Variants in DPP10 observed in about 807,000 individuals in gnomAD.
The protein encoded by DPP10 is inactive dipeptidyl peptidase 10.
DPP10 carries 33 observed loss-of-function variants against 120.9 expected under a neutral mutation model. The observed-to-expected ratio is 0.27, with a 90% CI of 0.21 to 0.37. The LOEUF (loss-of-function observed/expected upper bound fraction) is 0.37, where lower values mean the gene tolerates loss of function less well. Ranked by LOEUF, DPP10 falls within the 10% of genes least tolerant of loss-of-function variation. The pLI, the probability that DPP10 is intolerant of heterozygous loss-of-function variation, is 1.00. For synonymous variants in DPP10, 337 were observed against 326.1 expected (o/e 1.03, Z -0.36); for missense variants, 816 against 942.8 (o/e 0.87, Z 1.76).
At chr2:114,517,302 C>T (rs995672265) in intron 1 of DPP10, among the ~76,000 whole-genome samples, 9 of 152,120 alleles carry the variant, frequency 5.9e-5, no homozygotes, top group South Asian at 4.1e-4. Flanking sequence ...GGGAGGATCA[C>T]CTGATGTCAG....
intron 5 of DPP10, among the ~76,000 whole-genome samples, chr2:115,654,194 T>C (rs1283274863): frequency 1.3e-5 from 2 of 151,818 alleles, no homozygotes; most frequent in Non-Finnish European, 2.9e-5. Context: ...ACAAGCAGTT[T>C]ATAATCTTTT....
chr2:114,688,605 A>G (rs1352009925), intron 1 of DPP10, among the ~76,000 whole-genome samples: 6 of 152,048 alleles, frequency 3.9e-5, no homozygotes, highest in Admixed American at 2.6e-4. Flanking sequence ...ACTGAAAGTT[A>G]GAACTACAAA....
At chr2:115,789,742 G>A (rs1254806583) in intron 17 of DPP10, among the ~76,000 whole-genome samples, 2 of 152,124 alleles carry the variant, frequency 1.3e-5, no homozygotes, top group African/African-American at 4.8e-5. Flanking sequence ...ATAAACTATT[G>A]AAAATAAGTG....
At chr2:115,840,575 C>T (rs150909880) in intron 24 of DPP10, among the ~76,000 whole-genome samples, 175 bp from the exon 25 acceptor site, 2,214 of 152,010 alleles carry the variant, frequency 0.015, 30 homozygotes, top group Middle Eastern at 0.034. Flanking sequence ...CGGCCCACCT[C>T]GGCCTCCCAA....
At chr2:115,791,051 G>A in intron 17 of DPP10, 30 bp from the exon 18 acceptor site, 1 of 1,526,172 alleles carries the variant, frequency 6.6e-7, no homozygotes. Flanking sequence ...ATAGGGGTTA[G>A]CTATTTACAC....
At chr2:115,323,946 A>G (rs1318603803) in intron 2 of DPP10, among the ~76,000 whole-genome samples, 7 of 152,136 alleles carry the variant, frequency 4.6e-5, no homozygotes, top group African/African-American at 1.7e-4. Context: ...AGGATAGTAA[A>G]TGAGCCTTGG....
intron 1 of DPP10, among the ~76,000 whole-genome samples, chr2:115,171,154 A>G (rs2053292351): frequency 6.6e-6 from 1 of 152,046 alleles, no homozygotes; most frequent in Non-Finnish European, 1.5e-5. Flanking sequence ...TGAGGTCAGG[A>G]GTTTGAGACC....
chr2:114,625,590 C>T (rs990215917), intron 1 of DPP10, among the ~76,000 whole-genome samples: 3 of 151,874 alleles, frequency 2.0e-5, no homozygotes, highest in Admixed American at 1.3e-4. Context: ...GATAATTACC[C>T]TTTATTTATA....
intron 1 of DPP10, among the ~76,000 whole-genome samples, chr2:114,837,008 G>A (rs1687792597): frequency 6.6e-6 from 1 of 152,008 alleles, no homozygotes; most frequent in Admixed American, 6.6e-5. Flanking sequence ...TTTTTTCAAG[G>A]TGCCCAGATT....
intron 1 of DPP10, among the ~76,000 whole-genome samples, chr2:114,869,472 C>T (rs1353992193): frequency 6.6e-6 from 1 of 152,014 alleles, no homozygotes; most frequent in Non-Finnish European, 1.5e-5. Context: ...GTGAAACAGT[C>T]CCCCCAGGTT....
At chr2:115,289,510 A>AAAAGG (rs2060565977) in intron 1 of DPP10, among the ~76,000 whole-genome samples, 2 of 145,812 alleles carry the variant, frequency 1.4e-5, no homozygotes, top group African/African-American at 5.1e-5. Flanking sequence ...AAAAAGGAAG[A>AAAAGG]AAAGAAAAGA....
intron 4 of DPP10, among the ~76,000 whole-genome samples, chr2:115,518,253 T>A (rs2077607769): frequency 6.6e-6 from 1 of 152,176 alleles, no homozygotes; most frequent in African/African-American, 2.4e-5. Context: ...ACTGTAGCAA[T>A]ATCAAATATG....
At chr2:114,897,043 G>T (rs1297540202) in intron 1 of DPP10, among the ~76,000 whole-genome samples, 1 of 152,134 alleles carries the variant, frequency 6.6e-6, no homozygotes, top group Non-Finnish European at 1.5e-5. Flanking sequence ...TACATTTATT[G>T]ATTTGCATAT....
chr2:115,652,491 A>G (rs2087884585), intron 5 of DPP10, among the ~76,000 whole-genome samples: 1 of 150,934 alleles, frequency 6.6e-6, no homozygotes. Flanking sequence ...TTATATATAT[A>G]ATGTAGATAG....
intron 1 of DPP10, among the ~76,000 whole-genome samples, chr2:114,477,345 GGTTT>G (rs1339747845): frequency 1.3e-5 from 2 of 151,676 alleles, no homozygotes; most frequent in African/African-American, 4.8e-5. Flanking sequence ...GTGTACTTGT[GGTTT>G]GTTTATTCCC....
chr2:114,663,616 T>C (rs916781526), intron 1 of DPP10, among the ~76,000 whole-genome samples: 5 of 146,412 alleles, frequency 3.4e-5, no homozygotes, highest in Non-Finnish European at 7.4e-5. Flanking sequence ...TGTATATACA[T>C]ATATGTCTAT....
intron 1 of DPP10, among the ~76,000 whole-genome samples, chr2:114,907,704 A>G (rs1301242082): frequency 6.6e-6 from 1 of 152,116 alleles, no homozygotes; most frequent in Non-Finnish European, 1.5e-5. Context: ...TTGTTTTATG[A>G]CAGCACATAT....
At chr2:115,448,379 A>G (rs1034441790) in intron 3 of DPP10, among the ~76,000 whole-genome samples, 1 of 152,208 alleles carries the variant, frequency 6.6e-6, no homozygotes, top group African/African-American at 2.4e-5. Flanking sequence ...GTCTACCTGC[A>G]TTAAATAAAC....
intron 21 of DPP10, among the ~76,000 whole-genome samples, chr2:115,816,278 C>T (rs908277982): frequency 2.6e-5 from 4 of 152,116 alleles, no homozygotes; most frequent in African/African-American, 7.2e-5. Context: ...ACTGCAGAAG[C>T]GCGGCCAGTG....
Sources: allele counts gnomAD v4.1 joint callset (sites outside exome capture counted in the v4.1 genomes callset), GRCh38; gene constraint gnomAD v4.1.1; transcripts MANE v1.5; gene names NCBI Gene and HGNC (gene_info 2026-07-23, HGNC 2026-07-21).